GABRG3: variants seen among roughly 807,000 people sequenced by gnomAD.
GABRG3 encodes the protein gamma-aminobutyric acid receptor subunit gamma-3.
In GABRG3, 25 loss-of-function variants were observed where a neutral mutation model predicts 48.8. That is an observed-to-expected ratio of 0.51 (90% confidence interval 0.37 to 0.72). The LOEUF is 0.72. Ranked by LOEUF, GABRG3 falls within the 30% of genes least tolerant of loss-of-function variation. The pLI, the probability that GABRG3 is intolerant of heterozygous loss-of-function variation, is 0.00. For synonymous variants in GABRG3, 227 were observed against 217.6 expected (o/e 1.04, Z -0.38); for missense variants, 394 against 577.9 (o/e 0.68, Z 3.26).
intron 5 of GABRG3, among the ~76,000 whole-genome samples, chr15:27,342,245 C>T (rs1410103505): frequency 6.6e-6 from 1 of 152,202 alleles, no homozygotes; most frequent in African/African-American, 2.4e-5. Context: ...CCCCAGTCCC[C>T]ACCTACCAAT....
At chr15:27,097,068 T>C (rs1897277497) in intron 3 of GABRG3, among the ~76,000 whole-genome samples, 1 of 150,104 alleles carries the variant, frequency 6.7e-6, no homozygotes, top group Non-Finnish European at 1.5e-5. Flanking sequence ...GCCAGGCTGG[T>C]CTGAAACTCC....
At chr15:27,124,736 A>G (rs1263814599) in intron 3 of GABRG3, among the ~76,000 whole-genome samples, 3 of 152,196 alleles carry the variant, frequency 2.0e-5, no homozygotes, top group Admixed American at 6.5e-5. Flanking sequence ...TGGGTGCTTG[A>G]GCCAGCTCAC....
intron 3 of GABRG3, among the ~76,000 whole-genome samples, chr15:27,109,410 T>C (rs1897505421): frequency 1.3e-5 from 2 of 152,192 alleles, no homozygotes; most frequent in Non-Finnish European, 2.9e-5. Context: ...GCTGAATGTG[T>C]AACGCTATGT....
chr15:27,200,035 C>G (rs1228918846), intron 3 of GABRG3, among the ~76,000 whole-genome samples: 4 of 151,606 alleles, frequency 2.6e-5, no homozygotes, highest in African/African-American at 9.7e-5. Flanking sequence ...CTTACTTTCT[C>G]CCTCCCTTTC....
intron 2 of GABRG3, among the ~76,000 whole-genome samples, chr15:26,987,013 T>A (rs1895163511): frequency 6.6e-6 from 1 of 152,196 alleles, no homozygotes; most frequent in Non-Finnish European, 1.5e-5. Flanking sequence ...GGTAATGCAC[T>A]TTGGAAGGCC....
intron 5 of GABRG3, among the ~76,000 whole-genome samples, chr15:27,360,763 A>C (rs1188249859): frequency 6.6e-6 from 1 of 152,164 alleles, no homozygotes. Flanking sequence ...GACCCTGGGA[A>C]GCTCAAGGGT....
At position 27,283,537 on chromosome 15, in the gene GABRG3, G is replaced by A. The variant is rs148519656; in HGVS notation, c.271-43272G>A. On this transcript the variant is annotated intron_variant, in intron 3 of 9. Coordinates refer to ENST00000615808, the MANE Select transcript of GABRG3 (RefSeq NM_033223.5). Reference sequence around the variant, plus strand: ...GAGAATCACTTGAACCCGGGAGGCCGCAGTTGCAGTGGGCAGAGATGGCAC... The same window carrying A: ...GAGAATCACTTGAACCCGGGAGGCCACAGTTGCAGTGGGCAGAGATGGCAC... Among the ~76,000 whole-genome samples the A allele has an allele frequency of 3.5e-3, 533 of 152,296 alleles. 3 individuals carry two copies. The highest frequency in any genetic ancestry group is 5.9e-3 in the Non-Finnish European group (398 of 68,018).
chr15:27,251,595 A>G (rs568792263), intron 3 of GABRG3, among the ~76,000 whole-genome samples: 6 of 152,338 alleles, frequency 3.9e-5, no homozygotes, highest in East Asian at 3.9e-4. Context: ...TTTTAAAGAA[A>G]TCCTAATCAA....
intron 5 of GABRG3, among the ~76,000 whole-genome samples, chr15:27,408,987 G>A (rs955519169): frequency 3.9e-5 from 6 of 152,058 alleles, no homozygotes; most frequent in Non-Finnish European, 8.8e-5. Flanking sequence ...CCAATTAAAT[G>A]GATTTCTACA....
At chr15:27,363,712 C>T (rs1482816056) in intron 5 of GABRG3, 1 of 152,308 alleles carries the variant, frequency 6.6e-6, no homozygotes, top group Non-Finnish European at 1.5e-5. Context: ...GGCATTTTCT[C>T]CCCTCCCCTC....
At chr15:27,315,289 T>C (rs1893174180) in intron 3 of GABRG3, among the ~76,000 whole-genome samples, 1 of 152,196 alleles carries the variant, frequency 6.6e-6, no homozygotes, top group African/African-American at 2.4e-5. Context: ...TGCTGAGTGC[T>C]TACTTTACAG....
intron 2 of GABRG3, among the ~76,000 whole-genome samples, chr15:26,979,540 T>C (rs1336541178): frequency 6.6e-6 from 1 of 152,166 alleles, no homozygotes; most frequent in African/African-American, 2.4e-5. Flanking sequence ...TTCTGATACA[T>C]TAAAAAAAAG....
At chr15:26,993,949 T>C (rs974197434) in intron 2 of GABRG3, among the ~76,000 whole-genome samples, 1 of 152,060 alleles carries the variant, frequency 6.6e-6, no homozygotes, top group African/African-American at 2.4e-5. Flanking sequence ...CCCTTTATCA[T>C]TGATAATGAT....
intron 3 of GABRG3, among the ~76,000 whole-genome samples, chr15:27,249,221 G>A (rs1391105635): frequency 1.3e-5 from 2 of 152,126 alleles, no homozygotes; most frequent in Non-Finnish European, 2.9e-5. Context: ...GGCGCTCCGG[G>A]GAGGCTGCTC....
chr15:27,455,416 T>C (rs1276753918), intron 5 of GABRG3, among the ~76,000 whole-genome samples: 1 of 151,914 alleles, frequency 6.6e-6, no homozygotes, highest in African/African-American at 2.4e-5. Flanking sequence ...TATGTGTGTG[T>C]GCATTTGTGT....
intron 5 of GABRG3, among the ~76,000 whole-genome samples, chr15:27,470,291 T>G (rs1889748239): frequency 6.6e-6 from 1 of 151,782 alleles, no homozygotes; most frequent in Non-Finnish European, 1.5e-5. Context: ...TGGCGCGATC[T>G]TAGCTCACTG....
intron 3 of GABRG3, among the ~76,000 whole-genome samples, chr15:27,033,459 G>A (rs1053895176): frequency 6.6e-6 from 1 of 152,150 alleles, no homozygotes; most frequent in Non-Finnish European, 1.5e-5. Context: ...GTAAGTTGGA[G>A]CAGAGTCAAA....
intron 3 of GABRG3, among the ~76,000 whole-genome samples, chr15:27,067,161 C>G (rs1303948339): frequency 6.6e-6 from 1 of 152,282 alleles, no homozygotes; most frequent in Admixed American, 6.5e-5. Flanking sequence ...TTCTCCCGTC[C>G]CTCCAGTGGG....
At chr15:27,231,977 A>G (rs1889814310) in intron 3 of GABRG3, among the ~76,000 whole-genome samples, 1 of 152,182 alleles carries the variant, frequency 6.6e-6, no homozygotes, top group Non-Finnish European at 1.5e-5. Context: ...CAAAAATCCA[A>G]TTTTCATCCA....
Sources: gnomAD v4.1 joint callset for allele counts (sites outside exome capture counted in the v4.1 genomes callset) on GRCh38, gnomAD v4.1.1 for gene constraint, MANE v1.5 for transcripts, NCBI Gene and HGNC (gene_info 2026-07-23, HGNC 2026-07-21) for gene names.